OR51A4: variants seen among roughly 807,000 people sequenced by gnomAD.
OR51A4 encodes the protein olfactory receptor 51A4.
For synonymous variants in OR51A4, 96 were observed against 141.5 expected (o/e 0.68, Z 2.28); for missense variants, 243 against 364.0 (o/e 0.67, Z 2.70).
chr11:4,946,298 T>C lies in OR51A4; in HGVS notation c.803A>G (p.His268Arg). Residue 268 changes from histidine to arginine, a missense_variant, in exon 2 of 2, where the codon CAT (histidine) becomes CGT (arginine). Physicochemically the swap from His to Arg is conservative, Grantham distance 29 (BLOSUM62 0). Transcript: ENST00000641898. The stretch of plus-strand genomic sequence containing the variant: ...GAGAACATTAATGAGGGGAGAGACA[T>C]GCCGGGCAAAGCGGTGGACAACGGC... ...NLAVVHRFARHVSPLINVLMA... is the reference protein window; with the variant it reads ...NLAVVHRFARRVSPLINVLMA... The C allele has an allele frequency of 5.0e-6, 8 of 1,613,718 alleles. No homozygotes were observed. Among genetic ancestry groups the C allele is most frequent in the Non-Finnish European group, 6.8e-6 (8 of 1,179,860 alleles).
rs145386703 is a variant in OR51A4, at chr11:4,943,394, T to C, written c.*2765A>G. ...TCTGAGGAACTTCTCTGGTATCAGA[T>C]TGCCCCTAGGTGCTGTGTAGGTGAG... is the stretch of plus-strand genomic sequence containing the variant. On this transcript the variant is annotated 3_prime_UTR_variant, in exon 2 of 2. Coordinates refer to ENST00000641898, the MANE Select transcript of OR51A4 (RefSeq NM_001005329.2). 1,198 of 419,106 alleles carry C rather than the reference T, an allele frequency of 2.9e-3. 8 individuals are homozygous for C. Among genetic ancestry groups the C allele is most frequent in the African/African-American group, 0.022 (1,054 of 48,568 alleles). 26.0% of individuals were successfully genotyped at this position (419,106 alleles called of 1,614,324 possible).
At position 4,943,506 on chromosome 11, in the gene OR51A4, C is replaced by A. The variant is rs1394016462; in HGVS notation, c.*2653G>T. 2.2e-6 allele frequency: 1 copy of A among 455,912 alleles called. No homozygotes were observed. The highest frequency in any genetic ancestry group is 4.4e-6 in the Non-Finnish European group (1 of 226,522). The allele number at this position is 455,912 out of a possible 1,614,324, so 28.2% of individuals were successfully genotyped here. A position where few individuals can be genotyped will look rare whatever the true frequency, so the allele number is the denominator to read the frequency against. ...CTAAGGTTTTTTTAATGCTTGGCAC[C>A]ACTGACATTTTGTGCTAGATAATTC... On this transcript the variant is annotated 3_prime_UTR_variant, in exon 2 of 2. Coordinates refer to ENST00000641898, the MANE Select transcript of OR51A4 (RefSeq NM_001005329.2).
rs1286819253 is a variant in OR51A4, at chr11:4,947,306, A to T, written c.-62-144T>A. ...TGGACTATAATCTGTCGTATAATACATTGGAAAAATTATTTCTGGACATGT... is the reference window on the plus strand; with the variant it reads ...TGGACTATAATCTGTCGTATAATACTTTGGAAAAATTATTTCTGGACATGT... On this transcript the variant is annotated intron_variant, in intron 1 of 1. Coordinates refer to ENST00000641898, the MANE Select transcript of OR51A4 (RefSeq NM_001005329.2). 15 of 385,016 alleles carry T rather than the reference A, an allele frequency of 3.9e-5. 4 individuals are homozygous for T. The Middle Eastern group carries it at 2.6e-3, about 66-fold the overall frequency. The allele number at this position is 385,016 out of a possible 1,614,324, so 23.8% of individuals were successfully genotyped here. A position where few individuals can be genotyped will look rare whatever the true frequency, so the allele number is the denominator to read the frequency against.
rs2570582 is a variant in OR51A4, at chr11:4,943,195, G to A, written c.*2964C>T. On this transcript the variant is annotated 3_prime_UTR_variant, in exon 2 of 2. Coordinates refer to ENST00000641898, the MANE Select transcript of OR51A4 (RefSeq NM_001005329.2). Reference sequence around the variant, plus strand: ...CAATAGAAAAACAAAATGAAACACAGCGAAACAATAAGAAGACTTACTAGA... The same window carrying A: ...CAATAGAAAAACAAAATGAAACACAACGAAACAATAAGAAGACTTACTAGA... The A allele has an allele frequency of 0.84, 151,827 of 181,168 alleles. 63,873 individuals are homozygous for A. The highest frequency in any genetic ancestry group is 0.9 in the East Asian group (5,762 of 6,396). The allele number at this position is 181,168 out of a possible 1,614,324, so 11.2% of individuals were successfully genotyped here.
Position 4,946,955 on chromosome 11 carries a change from A to T in OR51A4, c.146T>A (p.Phe49Tyr), listed in dbSNP as rs765320524. 5.8e-5 allele frequency: 93 copies of T among 1,605,462 alleles called. No individual in the cohort carries two copies. The highest frequency in any genetic ancestry group is 7.1e-5 in the Non-Finnish European group (84 of 1,176,276). Residue 49 changes from phenylalanine (F) to tyrosine (Y), a missense_variant, in exon 2 of 2, where the codon TTT (phenylalanine) becomes TAT (tyrosine). Phe to Tyr is a conservative substitution (Grantham distance 22). Transcript: ENST00000641898. ...IAILGNGTIL[F>Y]IIKTEPSLHE... ...CAAGGAGGGCTCTGTCTTGATGATA[A>T]AAAGAATGGTGCCATTTCCTAGAAT...
At position 4,946,421 on chromosome 11, in the gene OR51A4, A is replaced by G. The variant is rs28673258; in HGVS notation, c.680T>C (p.Leu227Pro). 350,523 of 1,337,634 alleles carry G rather than the reference A, an allele frequency of 0.26. 62,739 individuals carry two copies. Among genetic ancestry groups the G allele is most frequent in the South Asian group, 0.44 (36,396 of 82,230 alleles). The allele number at this position is 1,337,634 out of a possible 1,614,324, so 82.9% of individuals were successfully genotyped here. A position where few individuals can be genotyped will look rare whatever the true frequency, so the allele number is the denominator to read the frequency against. Reference sequence around the variant, plus strand: ...CTGCTCCTTTTTGGATGCAATTCCCAGTACAGTCTTGAGGATCAGGGTGTA... The same window carrying G: ...CTGCTCCTTTTTGGATGCAATTCCCGGTACAGTCTTGAGGATCAGGGTGTA... ...VSYTLILKTV[L>P]GIASKKEQLK... The change falls in exon 2 of 2, where the codon CTG becomes CCG. Residue 227 changes from leucine (L) to proline (P), a missense_variant. Transcript: ENST00000641898.
At position 4,943,913 on chromosome 11, in the gene OR51A4, G is replaced by A. The variant is rs1846254722; in HGVS notation, c.*2246C>T. The A allele has an allele frequency of 4.6e-6, 2 of 434,990 alleles. No homozygotes were observed. Among genetic ancestry groups the A allele is most frequent in the Non-Finnish European group, 9.2e-6 (2 of 217,586 alleles). The allele number at this position is 434,990 out of a possible 1,614,324, so 26.9% of individuals were successfully genotyped here. ...TGATACTCTTTTATGTGACATCTAT[G>A]TACAATATCCTGAAAGAATAAGATG... On this transcript the variant is annotated 3_prime_UTR_variant, in exon 2 of 2. Transcript: ENST00000641898.
chr11:4,946,390 C>G lies in OR51A4; in HGVS notation c.711G>C (p.Lys237Asn). Residue 237 changes from lysine (K) to asparagine (N), a missense_variant, in exon 2 of 2, where the codon AAG becomes AAC. Transcript: ENST00000641898. ...LGIASKKEQL[K>N]ALNTCVSHIC... The stretch of plus-strand genomic sequence containing the variant: ...TGTGTGAAACACAAGTATTGAGAGC[C>G]TTAAGCTGCTCCTTTTTGGATGCAA... The G allele has an allele frequency of 6.2e-7, 1 of 1,613,512 alleles. No homozygotes were observed. Among genetic ancestry groups the G allele is most frequent in the Non-Finnish European group, 8.5e-7 (1 of 1,179,834 alleles).
In OR51A4 at chr11:4,945,948, T is replaced by C; in HGVS notation, c.*211A>G. On this transcript the variant is annotated 3_prime_UTR_variant, in exon 2 of 2. Coordinates refer to ENST00000641898, the MANE Select transcript of OR51A4 (RefSeq NM_001005329.2). The stretch of plus-strand genomic sequence containing the variant: ...CGGAGATGCTATCATAAGACATTTA[T>C]TTTTATTCTGCTTAACTGAAATGGG... 1.7e-6 allele frequency: 1 copy of C among 574,718 alleles called. No individual in the cohort carries two copies. The highest frequency in any genetic ancestry group is 3.1e-6 in the Non-Finnish European group (1 of 321,080). 35.6% of individuals were successfully genotyped at this position (574,718 alleles called of 1,614,324 possible).
chr11:4,943,992 T>C lies in OR51A4; in HGVS notation c.*2167A>G, dbSNP rs781541636. Reference sequence around the variant, plus strand: ...CTTTTTAGTGGAAATGAAGTCTTCATATTGGGCTGCCTATCCGCACACTGG... The same window carrying C: ...CTTTTTAGTGGAAATGAAGTCTTCACATTGGGCTGCCTATCCGCACACTGG... On this transcript the variant is annotated 3_prime_UTR_variant, in exon 2 of 2. Transcript: ENST00000641898. The C allele has an allele frequency of 2.2e-5, 9 of 414,148 alleles. No homozygotes were observed. Among genetic ancestry groups the C allele is most frequent in the Non-Finnish European group, 3.3e-5 (7 of 210,418 alleles). 25.7% of individuals were successfully genotyped at this position (414,148 alleles called of 1,614,324 possible).
In OR51A4 at chr11:4,943,248, C is replaced by G. The variant is rs7128334; in HGVS notation, c.*2911G>C. On this transcript the variant is annotated 3_prime_UTR_variant, in exon 2 of 2. Coordinates refer to ENST00000641898, the MANE Select transcript of OR51A4 (RefSeq NM_001005329.2). ...CTTTTTAAAAAGTATTTGAACTTGC[C>G]TTTTGGTAAGGTTTACATCCTTTGC... The G allele has an allele frequency of 0.015, 2,778 of 187,408 alleles. 90 individuals carry two copies. The highest frequency in any genetic ancestry group is 0.062 in the African/African-American group (2,615 of 42,166). The allele number at this position is 187,408 out of a possible 1,614,324, so 11.6% of individuals were successfully genotyped here.
At position 4,943,787 on chromosome 11, in the gene OR51A4, C is replaced by A; in HGVS notation, c.*2372G>T. On this transcript the variant is annotated 3_prime_UTR_variant, in exon 2 of 2. Coordinates refer to ENST00000641898, the MANE Select transcript of OR51A4 (RefSeq NM_001005329.2). ...AATATGTGAAAATCATTATGCTGAC[C>A]ATAAATCTTCACCTCCCCCATTGAG... 1 of 414,572 alleles carries A rather than the reference C, an allele frequency of 2.4e-6. No individual in the cohort carries two copies. Among genetic ancestry groups the A allele is most frequent in the Non-Finnish European group, 4.8e-6 (1 of 209,846 alleles). The allele number at this position is 414,572 out of a possible 1,614,324, so 25.7% of individuals were successfully genotyped here. A position where few individuals can be genotyped will look rare whatever the true frequency, so the allele number is the denominator to read the frequency against.
rs200520981 is a variant in OR51A4, at chr11:4,943,399, C to T, written c.*2760G>A. 1.6e-3 allele frequency: 687 copies of T among 440,528 alleles called. 1 individual carries two copies. The highest frequency in any genetic ancestry group is 2.9e-3 in the Middle Eastern group (7 of 2,414). 27.3% of individuals were successfully genotyped at this position (440,528 alleles called of 1,614,324 possible). On this transcript the variant is annotated 3_prime_UTR_variant, in exon 2 of 2. Coordinates refer to ENST00000641898, the MANE Select transcript of OR51A4 (RefSeq NM_001005329.2). ...GGAACTTCTCTGGTATCAGATTGCC[C>T]CTAGGTGCTGTGTAGGTGAGCTCAA...
At position 4,946,604 on chromosome 11, in the gene OR51A4, C is replaced by T. The variant is rs201205025; in HGVS notation, c.497G>A (p.Arg166Lys). Residue 166 changes from arginine (R) to lysine (K), a missense_variant, in exon 2 of 2, where the codon AGA (arginine) becomes AAA (lysine). By Grantham distance (26) the Arg-to-Lys change is conservative (BLOSUM62 2). Transcript: ENST00000641898. ...GTTTTTCTTGCAATATCTCAAGTTTCTTAAAGTGAAAGGGAAGGGAAGAAC... is the reference window on the plus strand; with the variant it reads ...GTTTTTCTTGCAATATCTCAAGTTTTTTAAAGTGAAAGGGAAGGGAAGAAC... ...LLVLPFPFTL[R>K]NLRYCKKNQL... is the part of the protein sequence containing the mutation. 1 of 1,535,190 alleles carries T rather than the reference C, an allele frequency of 6.5e-7. No homozygotes were observed.
At position 4,947,029 on chromosome 11, in the gene OR51A4, A is replaced by C. The variant is rs1846323036; in HGVS notation, c.72T>G (p.Tyr24Ter). 6.3e-7 allele frequency: 1 copy of C among 1,583,424 alleles called. No homozygotes were observed. Among genetic ancestry groups the C allele is most frequent in the Non-Finnish European group, 8.6e-7 (1 of 1,159,104 alleles). ...TGGGGATAGAGATCCAGATGTGTGC[A>C]TATTCTAGCCCTGGCATCCCAACCA... ...FFLVGMPGLE[Y>*]AHIWISIPIC... Residue 24 changes from tyrosine to a stop codon, truncating the protein, a stop_gained, in exon 2 of 2, where the codon TAT (tyrosine) becomes TAG (stop). Coordinates refer to ENST00000641898, the MANE Select transcript of OR51A4 (RefSeq NM_001005329.2). LOFTEE classifies it low-confidence loss of function (END_TRUNC).
rs1846259730 is a variant in OR51A4 at position 4,944,170 on chromosome 11, C to T, written c.*1989G>A. 1.1e-5 allele frequency: 5 copies of T among 436,712 alleles called. No homozygotes were observed. The highest frequency in any genetic ancestry group is 2.3e-5 in the Non-Finnish European group (5 of 221,226). The allele number at this position is 436,712 out of a possible 1,614,324, so 27.1% of individuals were successfully genotyped here. Reference sequence around the variant, plus strand: ...CTCAAACATAGGAACAGTTCTTGCCCTGATCTGATGATAGGATTTTCTACA... The same window carrying T: ...CTCAAACATAGGAACAGTTCTTGCCTTGATCTGATGATAGGATTTTCTACA... On this transcript the variant is annotated 3_prime_UTR_variant, in exon 2 of 2. Transcript: ENST00000641898.
At position 4,944,007 on chromosome 11, in the gene OR51A4, C is replaced by A; in HGVS notation, c.*2152G>T. On this transcript the variant is annotated 3_prime_UTR_variant, in exon 2 of 2. Coordinates refer to ENST00000641898, the MANE Select transcript of OR51A4 (RefSeq NM_001005329.2). Reference sequence around the variant, plus strand: ...GAAGTCTTCATATTGGGCTGCCTATCCGCACACTGGGAGAATATGAGCTTC... The same window carrying A: ...GAAGTCTTCATATTGGGCTGCCTATACGCACACTGGGAGAATATGAGCTTC... 1 of 421,062 alleles carries A rather than the reference C, an allele frequency of 2.4e-6. No homozygotes were observed. The highest frequency in any genetic ancestry group is 1.8e-5 in the South Asian group (1 of 57,088). The allele number at this position is 421,062 out of a possible 1,614,324, so 26.1% of individuals were successfully genotyped here.
In OR51A4 at chr11:4,946,359, C is replaced by G; in HGVS notation, c.742G>C (p.Ala248Pro). ...ALNTCVSHICAVIIFYLPIIN... is the reference protein window; with the variant it reads ...ALNTCVSHICPVIIFYLPIIN... Reference sequence around the variant, plus strand: ...ATGGGCAGGTAGAAGATGATCACTGCACAGATGTGTGAAACACAAGTATTG... The same window carrying G: ...ATGGGCAGGTAGAAGATGATCACTGGACAGATGTGTGAAACACAAGTATTG... Residue 248 changes from alanine to proline, a missense_variant, in exon 2 of 2, where the codon GCA becomes CCA. Coordinates refer to ENST00000641898, the MANE Select transcript of OR51A4 (RefSeq NM_001005329.2). 1 of 1,613,706 alleles carries G rather than the reference C, an allele frequency of 6.2e-7. No homozygotes were observed. Among genetic ancestry groups the G allele is most frequent in the Non-Finnish European group, 8.5e-7 (1 of 1,179,922 alleles).
At position 4,943,267 on chromosome 11, in the gene OR51A4, C is replaced by A; in HGVS notation, c.*2892G>T. ...ACTTGCCTTTTGGTAAGGTTTACAT[C>A]CTTTGCATTCATCTTTGTACACTTT... On this transcript the variant is annotated 3_prime_UTR_variant, in exon 2 of 2. Transcript: ENST00000641898. 1 of 235,990 alleles carries A rather than the reference C, an allele frequency of 4.2e-6. No homozygotes were observed. Among genetic ancestry groups the A allele is most frequent in the Non-Finnish European group, 8.7e-6 (1 of 115,178 alleles). The allele number at this position is 235,990 out of a possible 1,614,324, so 14.6% of individuals were successfully genotyped here.
Sources: gnomAD v4.1 joint callset for allele counts on GRCh38, gnomAD v4.1.1 for gene constraint, MANE v1.5 for transcripts, NCBI Gene and HGNC (gene_info 2026-07-23, HGNC 2026-07-21) for gene names.